ZBTB11: variants seen among roughly 807,000 people sequenced by gnomAD.
The protein encoded by ZBTB11 is zinc finger and BTB domain containing 11.
In ZBTB11, 68 loss-of-function variants were observed where a neutral mutation model predicts 113.1. The ratio of observed to expected loss-of-function variants is 0.60; its 90% CI spans 0.49 to 0.74. ZBTB11 has a LOEUF of 0.74. Ranked by LOEUF, ZBTB11 falls within the 30% of genes least tolerant of loss-of-function variation. The pLI, the probability that ZBTB11 is intolerant of heterozygous loss-of-function variation, is 0.00. For synonymous variants in ZBTB11, 518 were observed against 452.6 expected, an observed-to-expected ratio of 1.14 and a Z score of -1.83; for missense variants, 1,104 against 1,279.4, an observed-to-expected ratio of 0.86 and a Z score of 2.09.
At position 101,652,761 on chromosome 3, in the gene ZBTB11, CCTT is replaced by C; in HGVS notation, c.2468+16_2468+18del. 6.2e-7 allele frequency: 1 copy of C among 1,609,644 alleles called. No individual in the cohort carries two copies. The highest frequency in any genetic ancestry group is 8.5e-7 in the Non-Finnish European group (1 of 1,177,956). ...CACACGTTATCAATTAAGTTCAGCT[CCTT>C]CTCAAATTTACTCACCTATAAGGCT... On this transcript the variant is annotated intron_variant, in intron 9 of 10. Coordinates refer to ENST00000312938, the MANE Select transcript of ZBTB11 (RefSeq NM_014415.4).
At position 101,660,070 on chromosome 3, in the gene ZBTB11, C is replaced by T. The variant is rs373946680; in HGVS notation, c.1801-42G>A. The T allele has an allele frequency of 3.2e-6, 5 of 1,583,654 alleles. No individual in the cohort carries two copies. In the African/African-American group the frequency reaches 6.8e-5, roughly 21 times the overall value. The stretch of plus-strand genomic sequence containing the variant: ...ATTCTCTCTAAATGTATTTCCATTA[C>T]AAAATGTTAACTGAAACTCAACTCA... On this transcript the variant is annotated intron_variant, in intron 5 of 10. Transcript: ENST00000312938.
At chr3:101,674,033 T>TG (rs1491120461) in intron 1 of ZBTB11, among the ~76,000 whole-genome samples, 7 of 105,386 alleles carry the variant, frequency 6.6e-5, no homozygotes, top group Non-Finnish European at 1.2e-4. Flanking sequence ...TCACAGAGAC[T>TG]GTTTTTTTTT....
intron 3 of ZBTB11, among the ~76,000 whole-genome samples, chr3:101,667,779 G>A (rs561051775): frequency 6.6e-6 from 1 of 152,124 alleles, no homozygotes; most frequent in South Asian, 2.1e-4. Flanking sequence ...ATGTAAATTA[G>A]TACACCAGGA....
chr3:101,675,272 C>A (rs1362941304), intron 1 of ZBTB11, among the ~76,000 whole-genome samples: 1 of 152,168 alleles, frequency 6.6e-6, no homozygotes, highest in Non-Finnish European at 1.5e-5. Flanking sequence ...GCACTGATTA[C>A]TTCATTACCT....
intron 3 of ZBTB11, among the ~76,000 whole-genome samples, chr3:101,666,920 T>G (rs1332910286): frequency 6.6e-6 from 1 of 152,082 alleles, no homozygotes; most frequent in Non-Finnish European, 1.5e-5. Flanking sequence ...CCAGCTAATT[T>G]TTGTATTTTT....
At chr3:101,655,983 GTC>G (rs1936789843) in intron 7 of ZBTB11, 119 bp downstream of exon 7, 2 of 860,112 alleles carry the variant, frequency 2.3e-6, no homozygotes, top group Non-Finnish European at 3.2e-6. Context: ...TTAAAATACT[GTC>G]TCAATACAAA....
At chr3:101,664,385 G>T (rs1936943580) in intron 5 of ZBTB11, among the ~76,000 whole-genome samples, 153 bp downstream of exon 5, 1 of 152,102 alleles carries the variant, frequency 6.6e-6, no homozygotes, top group African/African-American at 2.4e-5. Context: ...AATATTTTTG[G>T]GAGGCAAGTA....
chr3:101,664,090 T>G (rs1936939095), intron 5 of ZBTB11, among the ~76,000 whole-genome samples: 1 of 152,140 alleles, frequency 6.6e-6, no homozygotes, highest in South Asian at 2.1e-4. Context: ...GGGTAGTGAT[T>G]TAATTGCTTC....
At chr3:101,662,395 C>T (rs1327782276) in intron 5 of ZBTB11, among the ~76,000 whole-genome samples, 1 of 152,226 alleles carries the variant, frequency 6.6e-6, no homozygotes, top group African/African-American at 2.4e-5. Flanking sequence ...GAGGCTGAGG[C>T]AGGCAGATCA....
At chr3:101,651,809 C>T (rs1936708610) in intron 10 of ZBTB11, 126 bp from the exon 11 acceptor site, 2 of 1,018,498 alleles carry the variant, frequency 2.0e-6, no homozygotes, top group African/African-American at 1.6e-5. Flanking sequence ...TGGACTGTGG[C>T]AATCTTTTAT....
intron 1 of ZBTB11, among the ~76,000 whole-genome samples, chr3:101,674,720 T>TA (rs1937135487): frequency 6.7e-6 from 1 of 149,980 alleles, no homozygotes; most frequent in Non-Finnish European, 1.5e-5. Flanking sequence ...ATAAAATAAA[T>TA]AAATAAATAA....
At position 101,668,608 on chromosome 3, in the gene ZBTB11, A is replaced by G. The variant is rs899420366; in HGVS notation, c.778+2522T>C. On this transcript the variant is annotated intron_variant, in intron 3 of 10. Transcript: ENST00000312938. ...CTGCACTCTAGCCTAGGGTGACAGA[A>G]TAAGATTCTGTCAAAAAAAAAAAAA... 1.6e-4 allele frequency among the ~76,000 whole-genome samples: 23 copies of G among 147,162 alleles called. 1 individual carries two copies. Among genetic ancestry groups the G allele is most frequent in the East Asian group, 2.0e-4 (1 of 5,074 alleles).
chr3:101,672,073 CATT>C lies in ZBTB11; in HGVS notation c.448_450del (p.Asn150del). ...AAGTTGCTCAGGTCATCTTCCGATT[CATT>C]ACTTTCTTCTCCAGATTCAAGGTCT... On this transcript the variant is annotated inframe_deletion, in exon 2 of 11. Coordinates refer to ENST00000312938, the MANE Select transcript of ZBTB11 (RefSeq NM_014415.4). 6.2e-7 allele frequency: 1 copy of C among 1,614,148 alleles called. No homozygotes were observed. The highest frequency in any genetic ancestry group is 8.5e-7 in the Non-Finnish European group (1 of 1,180,006).
chr3:101,671,426 T>A, intron 2 of ZBTB11, 65 bp from the exon 3 acceptor site: 3 of 1,204,712 alleles, frequency 2.5e-6, no homozygotes, highest in Non-Finnish European at 3.7e-6. Context: ...TAACAAGCTT[T>A]AAAACAAGAC....
At chr3:101,652,354 A>G in intron 10 of ZBTB11, 142 bp downstream of exon 10, 1 of 739,198 alleles carries the variant, frequency 1.4e-6, no homozygotes, top group Non-Finnish European at 2.1e-6. Flanking sequence ...TTAGGTACTC[A>G]GGTTCAGGAT....
intron 3 of ZBTB11, among the ~76,000 whole-genome samples, chr3:101,667,309 G>A (rs1464102000): frequency 6.6e-6 from 1 of 152,108 alleles, no homozygotes; most frequent in Non-Finnish European, 1.5e-5. Flanking sequence ...CAAAGTCCTT[G>A]GATTACAGGT....
chr3:101,656,445 T>G (rs1039378798), intron 6 of ZBTB11, among the ~76,000 whole-genome samples, 197 bp from the exon 7 acceptor site: 1 of 152,184 alleles, frequency 6.6e-6, no homozygotes, highest in Non-Finnish European at 1.5e-5. Flanking sequence ...TCAACAAATA[T>G]TGTTATCTTT....
At chr3:101,652,232 A>C (rs1262541738) in intron 10 of ZBTB11, among the ~76,000 whole-genome samples, 1 of 152,198 alleles carries the variant, frequency 6.6e-6, no homozygotes, top group Non-Finnish European at 1.5e-5. Context: ...GCATAAACTC[A>C]TTTATTCCTT....
chr3:101,664,641 T>G lies in ZBTB11; in HGVS notation c.1697A>C (p.Glu566Ala), dbSNP rs949185973. The change falls in exon 5 of 11, where the codon GAA becomes GCA. Residue 566 changes from glutamate (E) to alanine (A), a missense_variant. Glu to Ala is a moderately radical substitution (Grantham distance 107). Transcript: ENST00000312938. Reference protein sequence around the residue: ...PKRDAKENTEEASHKCGECGM... With the variant: ...PKRDAKENTEAASHKCGECGM... ...ACATTCCCCACATTTATGAGATGCTTCTTCTGTGTTCTCTTTAGCATCTCT... is the reference window on the plus strand; with the variant it reads ...ACATTCCCCACATTTATGAGATGCTGCTTCTGTGTTCTCTTTAGCATCTCT... The G allele has an allele frequency of 2.5e-6, 4 of 1,613,878 alleles. No homozygotes were observed. The highest frequency in any genetic ancestry group is 1.7e-5 in the Admixed American group (1 of 59,968).
Sources: gnomAD v4.1 joint callset for allele counts (sites outside exome capture counted in the v4.1 genomes callset) on GRCh38, gnomAD v4.1.1 for gene constraint, MANE v1.5 for transcripts, NCBI Gene and HGNC (gene_info 2026-07-23, HGNC 2026-07-21) for gene names.